Variants in CSMD1 observed in about 807,000 individuals in gnomAD.
CSMD1 encodes CUB and sushi domain-containing protein 1.
CSMD1 carries 213 observed loss-of-function variants against 417.5 expected under a neutral mutation model. The observed-to-expected ratio is 0.51, with a 90% CI of 0.46 to 0.57. The LOEUF is 0.57. CSMD1 is among the 20% of genes least tolerant of loss of function. The pLI is 0.00. For missense variants in CSMD1, 6,923 were observed against 4,529.7 expected (o/e 1.53, Z -15.17); for synonymous variants, 2,862 against 1,736.8 (o/e 1.65, Z -16.11).
chr8:4,419,346 A>T (rs546858081), intron 3 of CSMD1, among the ~76,000 whole-genome samples: 25 of 152,318 alleles, frequency 1.6e-4, no homozygotes, highest in Non-Finnish European at 3.2e-4. Flanking sequence ...TTGAAATGAT[A>T]ATTTCCTTTT....
At chr8:4,038,122 G>A (rs954734051) in intron 3 of CSMD1, among the ~76,000 whole-genome samples, 3 of 152,076 alleles carry the variant, frequency 2.0e-5, no homozygotes, top group African/African-American at 7.2e-5. Flanking sequence ...TACCATTTAA[G>A]GTTTAAAGTC....
chr8:4,174,194 C>G (rs1292168889), intron 3 of CSMD1, among the ~76,000 whole-genome samples: 1 of 152,106 alleles, frequency 6.6e-6, no homozygotes, highest in Non-Finnish European at 1.5e-5. Flanking sequence ...CTGAGGAAAA[C>G]CCAGAGCCTC....
At chr8:4,234,587 T>A (rs1284817766) in intron 3 of CSMD1, among the ~76,000 whole-genome samples, 6 of 152,200 alleles carry the variant, frequency 3.9e-5, no homozygotes, top group Admixed American at 1.3e-4. Flanking sequence ...GCTTTTTTAA[T>A]TGAGTGTTTG....
chr8:3,056,592 A>C (rs1378547732), intron 49 of CSMD1, among the ~76,000 whole-genome samples: 2 of 151,362 alleles, frequency 1.3e-5, no homozygotes, highest in African/African-American at 2.4e-5. Context: ...ATGGTCTTGA[A>C]CTCCTGGGCT....
chr8:4,243,046 T>G (rs1249187120), intron 3 of CSMD1, among the ~76,000 whole-genome samples: 1 of 152,118 alleles, frequency 6.6e-6, no homozygotes, highest in Non-Finnish European at 1.5e-5. Context: ...TTTATCTGAG[T>G]ACACGGGTCA....
intron 3 of CSMD1, among the ~76,000 whole-genome samples, chr8:4,368,939 C>T (rs1465169839): frequency 6.6e-6 from 1 of 152,024 alleles, no homozygotes; most frequent in Non-Finnish European, 1.5e-5. Flanking sequence ...TGGATTTTAG[C>T]AGTTCAATTT....
rs757639779 is a variant in CSMD1, at chr8:3,468,824, C to A, written c.1449G>T (p.Val483=). 4 of 1,582,616 alleles carry A rather than the reference C, an allele frequency of 2.5e-6. No individual in the cohort carries two copies. Among genetic ancestry groups the A allele is most frequent in the Middle Eastern group, 1.7e-4 (1 of 6,018 alleles). Residue 483 remains valine, a splice_region_variant and synonymous_variant, in exon 12 of 70, where the codon GTG becomes GTT. Coordinates refer to ENST00000635120, the MANE Select transcript of CSMD1 (RefSeq NM_033225.6). ...KVGDTRSVLY[V]LTGSSVPDLI... ...GGTCAGGAACACTGGATCCCGTGAG[C>A]CTGCAAGAAAGAGAAATGTCAAAGC... is the stretch of plus-strand genomic sequence containing the variant.
chr8:3,660,722 T>C (rs189007712), intron 7 of CSMD1, among the ~76,000 whole-genome samples: 1,457 of 140,632 alleles, frequency 0.01, 7 homozygotes, highest in Non-Finnish European at 0.015. Flanking sequence ...GGTTTCACCA[T>C]GTTGGTCAGG....
At chr8:3,269,269 G>A (rs1265482002) in intron 26 of CSMD1, among the ~76,000 whole-genome samples, 3 of 152,232 alleles carry the variant, frequency 2.0e-5, no homozygotes, top group Admixed American at 6.5e-5. Context: ...TCATAAAAAT[G>A]TGCGGCCAGT....
In CSMD1 at chr8:3,343,270, G is replaced by T. The variant is rs773389198; in HGVS notation, c.3631+24C>A. The T allele has an allele frequency of 3.1e-6, 5 of 1,599,430 alleles. No individual in the cohort carries two copies. In the South Asian group the frequency reaches 4.4e-5, roughly 14 times the overall value. On this transcript the variant is annotated intron_variant, in intron 23 of 69. Coordinates refer to ENST00000635120, the MANE Select transcript of CSMD1 (RefSeq NM_033225.6). ...TGTCCTGACAAAATGAAAAAAGAAC[G>T]TGATTAAGTCGTATGTTACTTACTG...
At chr8:4,780,627 G>C (rs933888894) in intron 1 of CSMD1, among the ~76,000 whole-genome samples, 1 of 152,214 alleles carries the variant, frequency 6.6e-6, no homozygotes, top group South Asian at 2.1e-4. Context: ...ACATGAACAA[G>C]TTATTTAGTA....
At chr8:3,106,472 A>G (rs987623155) in intron 46 of CSMD1, 56 bp downstream of exon 46, 1 of 1,079,826 alleles carries the variant, frequency 9.3e-7, no homozygotes, top group Non-Finnish European at 1.4e-6. Flanking sequence ...AATACAAACA[A>G]TACAATTTTC....
chr8:3,041,514 T>G (rs900580764), intron 50 of CSMD1, among the ~76,000 whole-genome samples: 1 of 152,234 alleles, frequency 6.6e-6, no homozygotes, highest in Non-Finnish European at 1.5e-5. Flanking sequence ...GGTTATTTCT[T>G]TTTCTTTTGA....
At chr8:4,320,375 T>C (rs909131664) in intron 3 of CSMD1, among the ~76,000 whole-genome samples, 2 of 151,538 alleles carry the variant, frequency 1.3e-5, no homozygotes, top group Admixed American at 1.3e-4. Context: ...ATTATTATTA[T>C]ACTTTAAGTT....
intron 1 of CSMD1, among the ~76,000 whole-genome samples, chr8:4,933,004 C>T (rs376161776): frequency 3.4e-4 from 52 of 152,254 alleles, no homozygotes; most frequent in African/African-American, 1.0e-3. Flanking sequence ...TTACAATAAA[C>T]ATTTCTCTTT....
chr8:4,284,561 G>T (rs1235701792), intron 3 of CSMD1, among the ~76,000 whole-genome samples: 3 of 152,142 alleles, frequency 2.0e-5, no homozygotes, highest in Admixed American at 2.0e-4. Context: ...CAGCCCCAAC[G>T]TTTATTGGGC....
At chr8:3,740,559 G>C (rs981039423) in intron 6 of CSMD1, among the ~76,000 whole-genome samples, 5 of 152,160 alleles carry the variant, frequency 3.3e-5, no homozygotes, top group Non-Finnish European at 5.9e-5. Flanking sequence ...TTCTGCCACA[G>C]GGAAAGTTAT....
At chr8:3,604,554 T>C (rs1801519063) in intron 8 of CSMD1, among the ~76,000 whole-genome samples, 1 of 152,054 alleles carries the variant, frequency 6.6e-6, no homozygotes, top group South Asian at 2.1e-4. Flanking sequence ...AGTGTATGCA[T>C]CTGCTCTAAC....
intron 1 of CSMD1, among the ~76,000 whole-genome samples, chr8:4,647,103 G>A (rs1488631080): frequency 6.6e-6 from 1 of 152,084 alleles, no homozygotes; most frequent in Admixed American, 6.5e-5. Flanking sequence ...TTAATATGAA[G>A]AAATTGATCT....
Sources: gnomAD v4.1 joint callset for allele counts (sites outside exome capture counted in the v4.1 genomes callset) on GRCh38, gnomAD v4.1.1 for gene constraint, MANE v1.5 for transcripts, NCBI Gene and HGNC (gene_info 2026-07-23, HGNC 2026-07-21) for gene names.